ADAM8: variants seen among roughly 807,000 people sequenced by gnomAD.
ADAM8 encodes disintegrin and metalloproteinase domain-containing protein 8.
A neutral mutation model predicts 102.4 loss-of-function variants in ADAM8; 104 were observed. The ratio of observed to expected loss-of-function variants is 1.02; its 90% CI spans 0.87 to 1.20. The LOEUF (loss-of-function observed/expected upper bound fraction) is 1.20. Among genes scored for constraint, ADAM8 ranks in the 50% most tolerant of loss-of-function variants. The probability of loss-of-function intolerance (pLI) is 0.00; values close to 1 mark genes in which losing one functional copy is unlikely to be tolerated. For missense variants in ADAM8, 1,132 were observed against 1,159.0 expected (o/e 0.98, Z 0.34); for synonymous variants, 517 against 485.2 (o/e 1.07, Z -0.86).
Position 133,269,534 on chromosome 10 carries a change from G to T in ADAM8, c.1864-5C>A, listed in dbSNP as rs375344170. On this transcript the variant is annotated splice_region_variant and splice_polypyrimidine_tract_variant and intron_variant, in intron 17 of 22. Transcript: ENST00000445355. Reference sequence around the variant, plus strand: ...CTCCTGCTTGTGGTTGCACACCTGCGGGGACGGCTGGGCTCAGGGCCAACC... The same window carrying T: ...CTCCTGCTTGTGGTTGCACACCTGCTGGGACGGCTGGGCTCAGGGCCAACC... 4 of 1,589,890 alleles carry T rather than the reference G, an allele frequency of 2.5e-6. No homozygotes were observed. Among genetic ancestry groups the T allele is most frequent in the South Asian group, 1.1e-5 (1 of 88,958 alleles).
At chr10:133,270,229 C>G (rs1010056075) in intron 16 of ADAM8, 131 bp downstream of exon 16, 2 of 1,285,392 alleles carry the variant, frequency 1.6e-6, no homozygotes, top group Non-Finnish European at 2.1e-6. Context: ...TCAGTCTCTA[C>G]TAGAAGCGCG....
chr10:133,271,937 G>A lies in ADAM8; in HGVS notation c.975C>T (p.Pro325=), dbSNP rs375501347. The change falls in exon 11 of 23, where the codon CCC becomes CCT. Residue 325 remains proline, a synonymous_variant. Coordinates refer to ENST00000445355, the MANE Select transcript of ADAM8 (RefSeq NM_001109.5). ...GAVNQDHSKN[P]VGVACTMAHE... is the part of the protein sequence containing the mutation. Reference sequence around the variant, plus strand: ...GGGCCATGGTACAGGCCACGCCCACGGGGTTCTTGCTGTGGTCCTGCAGGA... The same window carrying A: ...GGGCCATGGTACAGGCCACGCCCACAGGGTTCTTGCTGTGGTCCTGCAGGA... 125 of 1,611,626 alleles carry A rather than the reference G, an allele frequency of 7.8e-5. No homozygotes were observed. The East Asian group carries it at 8.7e-4, about 11-fold the overall frequency.
Position 133,272,605 on chromosome 10 carries a change from C to T in ADAM8, c.706-20G>A. 2 of 1,596,692 alleles carry T rather than the reference C, an allele frequency of 1.3e-6. No homozygotes were observed. Among genetic ancestry groups the T allele is most frequent in the Non-Finnish European group, 1.7e-6 (2 of 1,170,748 alleles). On this transcript the variant is annotated intron_variant, in intron 8 of 22. Transcript: ENST00000445355. ...ATATAGCTGGAGAGGTGGTGGAGTC[C>T]TGGGGGTCAGGCAGGGTGGCGGAAG...
rs757792278 is a variant in ADAM8 at position 133,271,246 on chromosome 10, G to T, written c.1328C>A (p.Ala443Asp). ...ACCGTGCGCACACTGGGCCCCCTCA[G>T]CCAGCTGGCAGGTGGTAGAGTTGCA... ...RCCNSTTCQL[A>D]EGAQCAHGTC... Residue 443 changes from alanine to aspartate, a missense_variant, in exon 13 of 23, where the codon GCT becomes GAT. By Grantham distance (126) the Ala-to-Asp change is moderately radical. Transcript: ENST00000445355. 3 of 1,611,610 alleles carry T rather than the reference G, an allele frequency of 1.9e-6. No homozygotes were observed. The South Asian group carries it at 3.3e-5, about 18-fold the overall frequency.
rs753170268 is a variant in ADAM8 at position 133,272,565 on chromosome 10, G to A, written c.726C>T (p.Phe242=). ...HVDKLYQKLN[F]RVVLVGLEIW... ...TCTCCAGGCCCACCAGGACCACACG[G>A]AAGTTGAGTTTCTGATATAGCTGGA... Residue 242 remains phenylalanine, a synonymous_variant, in exon 9 of 23, where the codon TTC becomes TTT. Coordinates refer to ENST00000445355, the MANE Select transcript of ADAM8 (RefSeq NM_001109.5). 39 of 1,610,782 alleles carry A rather than the reference G, an allele frequency of 2.4e-5. No homozygotes were observed. Among genetic ancestry groups the A allele is most frequent in the Non-Finnish European group, 3.2e-5 (38 of 1,179,244 alleles).
At chr10:133,274,799 G>A (rs1479784415) in intron 2 of ADAM8, 1 of 408,704 alleles carries the variant, frequency 2.4e-6, no homozygotes, top group Non-Finnish European at 5.0e-6. Context: ...GCCGGACCTG[G>A]TGGTGCCTGC....
chr10:133,263,684 T>C lies in ADAM8; in HGVS notation c.2397+4A>G. 1 of 1,551,322 alleles carries C rather than the reference T, an allele frequency of 6.4e-7. No individual in the cohort carries two copies. The highest frequency in any genetic ancestry group is 8.7e-7 in the Non-Finnish European group (1 of 1,147,192). On this transcript the variant is annotated splice_donor_region_variant and intron_variant, in intron 22 of 22. Coordinates refer to ENST00000445355, the MANE Select transcript of ADAM8 (RefSeq NM_001109.5). ...ACTCTGCCTGGTGTGTGCTGGGGCC[T>C]CACCTCAGCTGGACCAGGGTTGGCC...
intron 8 of ADAM8, 56 bp from the exon 9 acceptor site, chr10:133,272,641 G>C (rs1846579639): frequency 6.4e-7 from 1 of 1,563,330 alleles, no homozygotes; most frequent in South Asian, 1.2e-5. Flanking sequence ...GTACAGCAGG[G>C]AGGGTGGGTG....
At chr10:133,271,745 C>G (rs781163532) in intron 11 of ADAM8, 40 bp from the exon 12 acceptor site, 1 of 1,596,518 alleles carries the variant, frequency 6.3e-7, no homozygotes, top group Non-Finnish European at 8.6e-7. Flanking sequence ...CGGCCTGGCC[C>G]CTTCCCCACC....
At chr10:133,271,976 C>A (rs753725117) in intron 10 of ADAM8, 22 bp from the exon 11 acceptor site, 47 of 1,601,370 alleles carry the variant, frequency 2.9e-5, no homozygotes, top group Non-Finnish European at 3.7e-5. Context: ...TCTGTGCTCT[C>A]AGGAACCATG....
At chr10:133,264,122 C>T (rs4838712) in intron 21 of ADAM8, among the ~76,000 whole-genome samples, 110,683 of 147,248 alleles carry the variant, frequency 0.75, 43,892 homozygotes, top group East Asian at 0.93. Context: ...AGTGCAGTGG[C>T]GTGATGTTGG....
chr10:133,271,220 T>TG lies in ADAM8; in HGVS notation c.1353_1354insC (p.Thr452HisfsTer13). On this transcript the variant is annotated frameshift_variant, in exon 13 of 23. Coordinates refer to ENST00000445355, the MANE Select transcript of ADAM8 (RefSeq NM_001109.5). LOFTEE classifies it high-confidence loss of function. ...CTCACCTTGCACTCCTGGCAGCAGG[T>TG]ACCGTGCGCACACTGGGCCCCCTCA... 1 of 1,611,830 alleles carries TG rather than the reference T, an allele frequency of 6.2e-7. No homozygotes were observed. Among genetic ancestry groups the TG allele is most frequent in the South Asian group, 1.1e-5 (1 of 90,970 alleles).
chr10:133,269,917 C>A lies in ADAM8; in HGVS notation c.1843G>T (p.Ala615Ser). 2.5e-6 allele frequency: 4 copies of A among 1,612,782 alleles called. No individual in the cohort carries two copies. In the South Asian group the frequency reaches 4.4e-5, roughly 18 times the overall value. ...LHVYRSSNCS[A>S]QCHNHGVCNH... is the part of the protein sequence containing the mutation. Reference sequence around the variant, plus strand: ...CATACCCCATGGTTGTGGCACTGGGCAGAGCAGTTGCTGGATCTGTAAACG... The same window carrying A: ...CATACCCCATGGTTGTGGCACTGGGAAGAGCAGTTGCTGGATCTGTAAACG... The change falls in exon 17 of 23, where the codon GCC becomes TCC. Residue 615 changes from alanine to serine, a missense_variant. Physicochemically the swap from Ala to Ser is moderately conservative, Grantham distance 99. Coordinates refer to ENST00000445355, the MANE Select transcript of ADAM8 (RefSeq NM_001109.5).
rs1333553698 is a variant in ADAM8, at chr10:133,271,865, C to T, written c.1047G>A (p.Gln349=). Residue 349 remains glutamine, a synonymous_variant, in exon 11 of 23, where the codon CAG becomes CAA. Coordinates refer to ENST00000445355, the MANE Select transcript of ADAM8 (RefSeq NM_001109.5). ...CGAAGCGTTCCTGGCAGCGGCAGCCCTGGACGTTCTCATCATGGTCCATGC... is the reference window on the plus strand; with the variant it reads ...CGAAGCGTTCCTGGCAGCGGCAGCCTTGGACGTTCTCATCATGGTCCATGC... ...NLGMDHDENV[Q]GCRCQERFEA... is the part of the protein sequence containing the mutation. 6.2e-7 allele frequency: 1 copy of T among 1,612,698 alleles called. No homozygotes were observed. The highest frequency in any genetic ancestry group is 1.7e-5 in the Admixed American group (1 of 60,022).
intron 2 of ADAM8, chr10:133,274,820 G>C (rs1347257022): frequency 2.3e-6 from 1 of 432,242 alleles, no homozygotes; most frequent in Admixed American, 2.5e-5. Flanking sequence ...AGAGCCTCCT[G>C]CTGGACCACT....
rs561363568 is a variant in ADAM8 at position 133,263,173 on chromosome 10, C to T, written c.2458G>A (p.Ala820Thr). Residue 820 changes from alanine to threonine, a missense_variant, in exon 23 of 23, where the codon GCT becomes ACT. Coordinates refer to ENST00000445355, the MANE Select transcript of ADAM8 (RefSeq NM_001109.5). ...GTGCCCCCCTAGGGTGCTGTGGGAG[C>T]TCCGGCTCCTTGCTTCCTCTGGATG... is the stretch of plus-strand genomic sequence containing the variant. ...PPIQRKQGAG[A>T]PTAP 3 of 1,613,898 alleles carry T rather than the reference C, an allele frequency of 1.9e-6. No individual in the cohort carries two copies. The highest frequency in any genetic ancestry group is 2.2e-5 in the South Asian group (2 of 91,082).
chr10:133,272,806 C>G lies in ADAM8; in HGVS notation c.697G>C (p.Val233Leu). The change falls in exon 8 of 23, where the codon GTG becomes CTG. Residue 233 changes from valine (V) to leucine (L), a missense_variant. Transcript: ENST00000445355. The part of the protein sequence containing the change: ...RHRVLEVVNH[V>L]DKLYQKLNFR... ...CCAGGACCGCTGCCCACCTTGTCCACGTGATTCACCACCTCCAGCACCCGA... is the reference window on the plus strand; with the variant it reads ...CCAGGACCGCTGCCCACCTTGTCCAGGTGATTCACCACCTCCAGCACCCGA... 2.5e-6 allele frequency: 4 copies of G among 1,610,062 alleles called. No individual in the cohort carries two copies. Among genetic ancestry groups the G allele is most frequent in the Non-Finnish European group, 3.4e-6 (4 of 1,178,428 alleles).
intron 2 of ADAM8, among the ~76,000 whole-genome samples, chr10:133,275,250 A>G (rs1245020085): frequency 6.6e-6 from 1 of 151,902 alleles, no homozygotes; most frequent in Non-Finnish European, 1.5e-5. Flanking sequence ...GGCCAGCACA[A>G]CCTGCCCCTG....
chr10:133,269,568 G>A (rs777551943), intron 17 of ADAM8, 39 bp from the exon 18 acceptor site: 22 of 1,538,334 alleles, frequency 1.4e-5, no homozygotes, highest in Non-Finnish European at 1.9e-5. Context: ...CCCTGTTGTG[G>A]ACCCCAAGGG....
Sources: gnomAD v4.1 joint callset for allele counts (sites outside exome capture counted in the v4.1 genomes callset) on GRCh38, gnomAD v4.1.1 for gene constraint, MANE v1.5 for transcripts, NCBI Gene and HGNC (gene_info 2026-07-23, HGNC 2026-07-21) for gene names.